Variants in KLC1 observed in about 807,000 individuals in gnomAD.
KLC1 encodes kinesin light chain 1, also known as kinesin 2 60/70kDa.
In KLC1, 30 loss-of-function variants were observed where a neutral mutation model predicts 84.2. The observed-to-expected ratio is 0.36, with a 90% CI of 0.27 to 0.48. The LOEUF (loss-of-function observed/expected upper bound fraction) is 0.48. Among genes scored for constraint, KLC1 ranks in the 20% least tolerant of loss-of-function variants. KLC1 has a pLI of 0.99. For missense variants in KLC1, 499 were observed against 805.4 expected (o/e 0.62, Z 4.60); for synonymous variants, 289 against 293.3 (o/e 0.99, Z 0.15).
rs145272238 is a variant in KLC1, at chr14:103,662,961, C to T, written c.797+34C>T. 3.3e-4 allele frequency: 481 copies of T among 1,444,176 alleles called. 1 individual carries two copies. In the African/African-American group the frequency reaches 6.0e-3, roughly 18 times the overall value. 89.5% of individuals were successfully genotyped at this position (1,444,176 alleles called of 1,614,324 possible). ...CTTTTGTTTACCTACTGAATTTTAC[C>T]TAGAGACAATGTTTTTAACCATCTT... On this transcript the variant is annotated intron_variant, in intron 5 of 16. Coordinates refer to ENST00000334553, the MANE Select transcript of KLC1 (RefSeq NM_001394837.1).
At chr14:103,666,686 C>T (rs2079864570) in intron 5 of KLC1, among the ~76,000 whole-genome samples, 1 of 150,266 alleles carries the variant, frequency 6.7e-6, no homozygotes, top group South Asian at 2.1e-4. Flanking sequence ...CAACCTCTGC[C>T]TCCCGGGTTG....
At chr14:103,686,825 C>G in intron 13 of KLC1, 1 of 176,834 alleles carries the variant, frequency 5.7e-6, no homozygotes, top group Non-Finnish European at 1.2e-5. Context: ...GATGCGATCA[C>G]TTGTTTGAAT....
chr14:103,681,438 A>C (rs2081332006), intron 13 of KLC1, among the ~76,000 whole-genome samples: 1 of 152,126 alleles, frequency 6.6e-6, no homozygotes, highest in South Asian at 2.1e-4. Flanking sequence ...AACTCGACCA[A>C]CTTTTGATTT....
chr14:103,693,843 G>A lies in KLC1; in HGVS notation c.1848+1418G>A, dbSNP rs1595582584. ...CAGTGCCAGGAGCCACCCCGACCGC[G>A]ACCCGGCCAGGCTGGCTCAGGGAGG... On this transcript the variant is annotated intron_variant, in intron 15 of 16. Transcript: ENST00000334553. The surrounding 1 kb of genome is among the most constrained non-coding windows in gnomAD (Gnocchi z 5.1). 9.4e-6 allele frequency: 13 copies of A among 1,380,584 alleles called. No homozygotes were observed. In the East Asian group the frequency reaches 3.1e-4, roughly 32 times the overall value. 85.5% of individuals were successfully genotyped at this position (1,380,584 alleles called of 1,614,324 possible).
intron 15 of KLC1, chr14:103,695,798 G>T (rs1050255160): frequency 1.9e-4 from 183 of 985,302 alleles, no homozygotes; most frequent in Non-Finnish European, 2.1e-4. Context: ...GTGTGTTGGG[G>T]TAAGAGAAGC....
intron 13 of KLC1, chr14:103,684,994 A>C: frequency 8.8e-7 from 1 of 1,141,238 alleles, no homozygotes; most frequent in Non-Finnish European, 1.3e-6. Flanking sequence ...AGATGAGGAA[A>C]ATGAAGCTCG....
chr14:103,649,439 T>G (rs1403274601), intron 1 of KLC1, among the ~76,000 whole-genome samples: 1 of 151,444 alleles, frequency 6.6e-6, no homozygotes, highest in Non-Finnish European at 1.5e-5. Flanking sequence ...AGTACATAAT[T>G]TGTTAGGGGC....
rs2076773141 is a variant in KLC1, at chr14:103,632,674, T to C, written c.-2+3180T>C. Among the ~76,000 whole-genome samples, 3 of 151,934 alleles carry C rather than the reference T, an allele frequency of 2.0e-5. No individual in the cohort carries two copies. In the South Asian group the frequency reaches 6.2e-4, roughly 32 times the overall value. The stretch of plus-strand genomic sequence containing the variant: ...AGGCAGAGGTTGCAGTGAGCCGAGA[T>C]CACGCCATTGCACTCCAGCCTGGGC... On this transcript the variant is annotated intron_variant, in intron 1 of 16. Transcript: ENST00000334553.
chr14:103,658,824 A>G (rs2079039296), intron 3 of KLC1, among the ~76,000 whole-genome samples: 1 of 147,884 alleles, frequency 6.8e-6, no homozygotes. Context: ...CGCCTGGCCA[A>G]TTTTTTGTAT....
chr14:103,679,438 A>G lies in KLC1; in HGVS notation c.1543A>G (p.Asn515Asp), dbSNP rs1362529539. The change falls in exon 13 of 17, where the codon AAC (asparagine) becomes GAC (aspartate). Residue 515 changes from asparagine (N) to aspartate (D), a missense_variant. Physicochemically the swap from Asn to Asp is conservative, Grantham distance 23 (BLOSUM62 1). Coordinates refer to ENST00000334553, the MANE Select transcript of KLC1 (RefSeq NM_001394837.1). ...RVAEVLNDPE[N>D]MEKRRSRESL... ...GGCAGAAGTGCTCAATGACCCTGAG[A>G]ACATGGAGAAGCGCAGGAGCCGTGA... is the stretch of plus-strand genomic sequence containing the variant. The G allele has an allele frequency of 1.9e-6, 3 of 1,614,050 alleles. No individual in the cohort carries two copies. Among genetic ancestry groups the G allele is most frequent in the African/African-American group, 2.7e-5 (2 of 74,918 alleles).
intron 4 of KLC1, 61 bp from the exon 5 acceptor site, chr14:103,662,641 A>C: frequency 7.6e-7 from 1 of 1,307,348 alleles, no homozygotes; most frequent in Non-Finnish European, 1.1e-6. Flanking sequence ...ATTTTAAAGA[A>C]ACTGACTCAT....
At chr14:103,637,312 A>T (rs2077121942) in intron 1 of KLC1, among the ~76,000 whole-genome samples, 1 of 151,894 alleles carries the variant, frequency 6.6e-6, no homozygotes, top group African/African-American at 2.4e-5. Flanking sequence ...CGGGTGGATC[A>T]TGAAGTCAGG....
intron 1 of KLC1, among the ~76,000 whole-genome samples, chr14:103,644,986 T>C (rs982643287): frequency 3.9e-5 from 6 of 152,008 alleles, no homozygotes; most frequent in African/African-American, 1.2e-4. Flanking sequence ...TCTCTTTCTT[T>C]CTTTTTCTTT....
chr14:103,684,741 A>T, intron 13 of KLC1: 1 of 500,502 alleles, frequency 2.0e-6, no homozygotes, highest in East Asian at 3.5e-5. Flanking sequence ...TGTGTGTCAC[A>T]TGAAATACTT....
chr14:103,692,860 G>A (rs920337204), intron 15 of KLC1, among the ~76,000 whole-genome samples: 3 of 152,196 alleles, frequency 2.0e-5, no homozygotes, highest in Admixed American at 2.0e-4. Flanking sequence ...ATGATGACTA[G>A]CGTGCTGTCA....
intron 3 of KLC1, among the ~76,000 whole-genome samples, chr14:103,661,124 C>T (rs557764006): frequency 6.6e-6 from 1 of 152,242 alleles, no homozygotes; most frequent in Non-Finnish European, 1.5e-5. Context: ...GCGTCTTTCC[C>T]TAGGGTGAGG....
At chr14:103,666,292 T>A (rs1048817290) in intron 5 of KLC1, among the ~76,000 whole-genome samples, 6 of 152,130 alleles carry the variant, frequency 3.9e-5, no homozygotes, top group Non-Finnish European at 5.9e-5. Flanking sequence ...CTTGATCTCC[T>A]GACCTTGTGA....
At chr14:103,666,664 C>G (rs2079863298) in intron 5 of KLC1, among the ~76,000 whole-genome samples, 1 of 149,558 alleles carries the variant, frequency 6.7e-6, no homozygotes, top group South Asian at 2.1e-4. Context: ...ATGGTGTGAT[C>G]TCAGCTCACT....
chr14:103,699,693 C>T (rs2082956830), intron 15 of KLC1: 2 of 949,514 alleles, frequency 2.1e-6, no homozygotes, highest in African/African-American at 1.6e-5. Flanking sequence ...CTGGGGCTCA[C>T]AGTGCCCATA....
Sources: allele counts gnomAD v4.1 joint callset (sites outside exome capture counted in the v4.1 genomes callset), GRCh38; gene constraint gnomAD v4.1.1; non-coding constraint Gnocchi (gnomAD v3.1); transcripts MANE v1.5; gene names NCBI Gene and HGNC (gene_info 2026-07-23, HGNC 2026-07-21).